The following PCDH15 variants were observed in gnomAD, a reference collection of about 807,000 sequenced individuals.
PCDH15 encodes protocadherin related 15.
PCDH15 carries 129 observed loss-of-function variants against 178.5 expected under a neutral mutation model. That is an observed-to-expected ratio of 0.72 (90% CI 0.63 to 0.84). PCDH15 has a LOEUF of 0.84. Among genes scored for constraint, PCDH15 ranks in the 40% least tolerant of loss-of-function variants. The pLI is 0.00. For synonymous variants in PCDH15, 800 were observed against 732.0 expected (o/e 1.09, Z -1.50); for missense variants, 2,230 against 2,099.9 (o/e 1.06, Z -1.21).
chr10:54,761,975 A>G (rs563683750), intron 1 of PCDH15, among the ~76,000 whole-genome samples: 1 of 152,282 alleles, frequency 6.6e-6, no homozygotes, highest in African/African-American at 2.4e-5. Flanking sequence ...ATGTATATGT[A>G]TCTCCTAACA....
chr10:54,321,366 AT>A (rs1208942565), intron 7 of PCDH15, among the ~76,000 whole-genome samples: 13 of 150,098 alleles, frequency 8.7e-5, no homozygotes, highest in Admixed American at 2.0e-4. Context: ...GTTTTAAAAG[AT>A]TGAATTAATC....
At chr10:55,162,797 C>A (rs907160295) in intron 2 of PCDH15, among the ~76,000 whole-genome samples, 2 of 152,082 alleles carry the variant, frequency 1.3e-5, no homozygotes, top group Admixed American at 6.6e-5. Flanking sequence ...TGCAGTAGAA[C>A]CTACTATGGC....
At chr10:55,168,290 A>C (rs367849766) in intron 1 of PCDH15, among the ~76,000 whole-genome samples, 4 of 152,130 alleles carry the variant, frequency 2.6e-5, no homozygotes, top group African/African-American at 9.7e-5. Context: ...ATTTTATACA[A>C]CTCCAAGTTT....
intron 2 of PCDH15, among the ~76,000 whole-genome samples, chr10:54,944,167 C>T (rs1353697595): frequency 6.6e-6 from 1 of 151,868 alleles, no homozygotes; most frequent in Non-Finnish European, 1.5e-5. Flanking sequence ...TAGAATTCCC[C>T]ATGACCAAAT....
chr10:53,998,872 C>T lies in PCDH15; in HGVS notation c.2752-3107G>A, dbSNP rs1020841971. 1.1e-4 allele frequency among the ~76,000 whole-genome samples: 16 copies of T among 151,454 alleles called. No homozygotes were observed. In the East Asian group the frequency reaches 2.9e-3, roughly 28 times the overall value. Reference sequence around the variant, plus strand: ...TTCGAGACCAGCCTGGCCAACATGGCGAAACTGTGTCTCTACTAAAAATAC... The same window carrying T: ...TTCGAGACCAGCCTGGCCAACATGGTGAAACTGTGTCTCTACTAAAAATAC... On this transcript the variant is annotated intron_variant, in intron 20 of 37. Coordinates refer to ENST00000644397, the MANE Select transcript of PCDH15 (RefSeq NM_001384140.1).
At chr10:54,941,431 GT>G (rs1198065923) in intron 2 of PCDH15, among the ~76,000 whole-genome samples, 1 of 151,796 alleles carries the variant, frequency 6.6e-6, no homozygotes, top group Non-Finnish European at 1.5e-5. Context: ...TTTATTTTTG[GT>G]TTCTTACAAT....
intron 10 of PCDH15, among the ~76,000 whole-genome samples, chr10:54,205,501 G>GTGTT (rs1352341559): frequency 1.3e-5 from 2 of 151,382 alleles, no homozygotes; most frequent in African/African-American, 2.4e-5. Flanking sequence ...GTGTGTGTGT[G>GTGTT]TGTGTGTGTG....
At chr10:53,994,734 T>C (rs1427532195) in intron 21 of PCDH15, 4 of 152,142 alleles carry the variant, frequency 2.6e-5, no homozygotes, top group East Asian at 3.8e-4. Flanking sequence ...TTAACATTAA[T>C]ACATTTTGAT....
chr10:54,651,449 G>A (rs1336190), intron 2 of PCDH15, among the ~76,000 whole-genome samples: 58,941 of 151,972 alleles, frequency 0.39, 12,620 homozygotes, highest in African/African-American at 0.58. Flanking sequence ...GCGGTTCACT[G>A]TTTTATTAAA....
At chr10:54,245,109 A>G (rs980132014) in intron 8 of PCDH15, among the ~76,000 whole-genome samples, 2 of 152,100 alleles carry the variant, frequency 1.3e-5, no homozygotes, top group Non-Finnish European at 2.9e-5. Flanking sequence ...ATCTCTCCAT[A>G]TAAGGCCTCC....
At position 55,143,667 on chromosome 10, in the gene PCDH15, G is replaced by A. The variant is rs1280161263; in HGVS notation, c.-80+22909C>T. On this transcript the variant is annotated intron_variant, in intron 2 of 5. Coordinates refer to the PCDH15 transcript ENST00000458638. ...TTAGGGAGGAGACTACAGATGTGAG[G>A]GTTCTATATTTCAAGTAGAGACCAG... is the stretch of plus-strand genomic sequence containing the variant. Among the ~76,000 whole-genome samples the A allele has an allele frequency of 2.6e-5, 4 of 151,964 alleles. No individual in the cohort carries two copies. In the East Asian group the frequency reaches 7.8e-4, roughly 29 times the overall value.
chr10:55,484,395 TACAA>T (rs1459483672), intron 2 of PCDH15, among the ~76,000 whole-genome samples: 1 of 151,702 alleles, frequency 6.6e-6, no homozygotes, highest in African/African-American at 2.4e-5. Context: ...TGGAAGAGAA[TACAA>T]ACAAATGGAA....
At chr10:54,865,193 G>C (rs902780377) in intron 3 of PCDH15, among the ~76,000 whole-genome samples, 49 of 152,272 alleles carry the variant, frequency 3.2e-4, no homozygotes, top group Admixed American at 2.7e-3. Context: ...CTCTGGGTAG[G>C]CACCATCCAA....
At chr10:54,206,201 T>C (rs1297504884) in intron 10 of PCDH15, among the ~76,000 whole-genome samples, 1 of 152,148 alleles carries the variant, frequency 6.6e-6, no homozygotes, top group Non-Finnish European at 1.5e-5. Flanking sequence ...ATCTTTCTTT[T>C]TGCTTAGAGC....
intron 2 of PCDH15, among the ~76,000 whole-genome samples, chr10:55,418,630 T>C (rs1273956835): frequency 2.6e-5 from 4 of 151,756 alleles, no homozygotes; most frequent in Non-Finnish European, 5.9e-5. Flanking sequence ...ACAGGCAAGA[T>C]GGGCCTCTAA....
At chr10:54,344,985 A>C (rs2134149520) in intron 6 of PCDH15, among the ~76,000 whole-genome samples, 1 of 147,364 alleles carries the variant, frequency 6.8e-6, no homozygotes, top group Non-Finnish European at 1.5e-5. Flanking sequence ...TATATTATAT[A>C]TATATACTTA....
intron 1 of PCDH15, among the ~76,000 whole-genome samples, chr10:55,224,098 G>A (rs1449466106): frequency 6.6e-6 from 1 of 152,032 alleles, no homozygotes; most frequent in Non-Finnish European, 1.5e-5. Context: ...CCCCTTGGGA[G>A]GCTGAGGCAA....
At chr10:54,855,805 G>T (rs1953730995) in intron 3 of PCDH15, among the ~76,000 whole-genome samples, 1 of 152,162 alleles carries the variant, frequency 6.6e-6, no homozygotes, top group Non-Finnish European at 1.5e-5. Context: ...TGTTCACTGA[G>T]TAGCATTGAC....
At chr10:54,537,250 C>T (rs543958903) in intron 2 of PCDH15, among the ~76,000 whole-genome samples, 16 of 152,036 alleles carry the variant, frequency 1.1e-4, no homozygotes, top group Non-Finnish European at 1.8e-4. Flanking sequence ...CCGCCCGCCT[C>T]GGCCTCCCAA....
Sources: gnomAD v4.1 joint callset for allele counts (sites outside exome capture counted in the v4.1 genomes callset) on GRCh38, gnomAD v4.1.1 for gene constraint, MANE v1.5 for transcripts, NCBI Gene and HGNC (gene_info 2026-07-23, HGNC 2026-07-21) for gene names.